Variants in TET1 observed in about 807,000 individuals in gnomAD.
The protein encoded by TET1 is methylcytosine dioxygenase TET1.
Under a neutral mutation model 148.7 loss-of-function variants are expected in TET1, and 13 were observed. The observed-to-expected ratio is 0.09, with a 90% confidence interval of 0.06 to 0.14. TET1 has a LOEUF of 0.14. Among genes scored for constraint, TET1 ranks in the 10% least tolerant of loss-of-function variants. TET1 has a pLI of 1.00. For missense variants in TET1, 2,182 were observed against 2,553.8 expected, an observed-to-expected ratio of 0.85 and a Z score of 3.14; for synonymous variants, 907 against 937.2, an observed-to-expected ratio of 0.97 and a Z score of 0.59.
chr10:68,683,637 C>T (rs1270298592), intron 10 of TET1, among the ~76,000 whole-genome samples: 5 of 152,166 alleles, frequency 3.3e-5, no homozygotes, highest in Non-Finnish European at 7.3e-5. Context: ...TGGTCTTGAT[C>T]TCATGACCTC....
Position 68,622,201 on chromosome 10 carries a change from C to CCTTCCTTCCTTCCTTT in TET1, c.1968+21182_1968+21183insTCTTCCTTCCTTCCTT, listed in dbSNP as rs1564973286. On this transcript the variant is annotated intron_variant, in intron 3 of 11. Coordinates refer to ENST00000373644, the MANE Select transcript of TET1 (RefSeq NM_030625.3). ...TCCTTCCTTCCTTCCTTCCTTCCTT[C>CCTTCCTTCCTTCCTTT]CTTCCTTCCTTCCTTCCTTCCCTCC... Among the ~76,000 whole-genome samples, 64 of 131,394 alleles carry CCTTCCTTCCTTCCTTT rather than the reference C, an allele frequency of 4.9e-4. 1 individual carries two copies. The highest frequency in any genetic ancestry group is 1.8e-3 in the African/African-American group (61 of 34,042). The allele number at this position is 131,394 out of a possible 152,430, so 86.2% of individuals were successfully genotyped here.
chr10:68,624,633 T>TTTCTTTCTTTCTTTCTTTCC (rs2054431993), intron 3 of TET1, among the ~76,000 whole-genome samples: 2 of 43,158 alleles, frequency 4.6e-5, no homozygotes, highest in African/African-American at 2.9e-4. Context: ...TCTTTCTTTC[T>TTTCTTTCTTTCTTTCTTTCC]TTCTTTCTTT....
intron 3 of TET1, among the ~76,000 whole-genome samples, chr10:68,604,608 G>A (rs573254084): frequency 3.2e-4 from 49 of 152,160 alleles, no homozygotes; most frequent in Non-Finnish European, 6.8e-4. Flanking sequence ...GCTTTGATTG[G>A]TTGATCCCAA....
intron 3 of TET1, among the ~76,000 whole-genome samples, chr10:68,629,076 G>A (rs1412803119): frequency 6.6e-6 from 1 of 152,114 alleles, no homozygotes; most frequent in Non-Finnish European, 1.5e-5. Flanking sequence ...TAAAAATTTA[G>A]CATGTATGCC....
chr10:68,658,862 T>C (rs911229526), intron 6 of TET1, among the ~76,000 whole-genome samples: 1 of 152,094 alleles, frequency 6.6e-6, no homozygotes, highest in African/African-American at 2.4e-5. Flanking sequence ...CATGAGACCC[T>C]GTCTCAAGAA....
At chr10:68,599,226 A>G (rs1177824237) in intron 2 of TET1, among the ~76,000 whole-genome samples, 1 of 152,160 alleles carries the variant, frequency 6.6e-6, no homozygotes, top group Non-Finnish European at 1.5e-5. Context: ...GCAAGTGGAA[A>G]ACCCATCTTT....
intron 8 of TET1, chr10:68,674,818 G>A: frequency 2.1e-6 from 1 of 478,400 alleles, no homozygotes; most frequent in African/African-American, 2.0e-5. Context: ...GGAACAAGTT[G>A]ATGGAAATCA....
chr10:68,645,947 T>C lies in TET1; in HGVS notation c.3218T>C (p.Ile1073Thr). The stretch of plus-strand genomic sequence containing the variant: ...TGTCAGGATGCAACCCATACCCAAA[T>C]TGAGGAAGATGTTGCAACACAGTTG... ...LSCQDATHTQ[I>T]EEDVATQLTQ... The change falls in exon 4 of 12, where the codon ATT (isoleucine) becomes ACT (threonine). Residue 1073 changes from isoleucine (I) to threonine (T), a missense_variant. Ile to Thr is a moderately conservative substitution (Grantham distance 89, BLOSUM62 -1). This residue lies in a region of TET1 where 582 missense variants were observed against 599.5 expected (regional missense o/e 0.97). Coordinates refer to ENST00000373644, the MANE Select transcript of TET1 (RefSeq NM_030625.3). 3 of 1,613,908 alleles carry C rather than the reference T, an allele frequency of 1.9e-6. No homozygotes were observed. Among genetic ancestry groups the C allele is most frequent in the South Asian group, 1.1e-5 (1 of 91,058 alleles).
intron 8 of TET1, chr10:68,675,165 CTGTT>C: frequency 6.1e-6 from 2 of 326,482 alleles, no homozygotes; most frequent in South Asian, 6.2e-5. Flanking sequence ...AAAAAAGTGT[CTGTT>C]AGTTGATAAA....
chr10:68,626,716 A>AT (rs938574973), intron 3 of TET1, among the ~76,000 whole-genome samples: 2 of 148,996 alleles, frequency 1.3e-5, no homozygotes, highest in Non-Finnish European at 3.0e-5. Context: ...ACACCCAGCA[A>AT]TTTTTTTATA....
chr10:68,608,218 G>A (rs933174970), intron 3 of TET1, among the ~76,000 whole-genome samples: 2 of 151,360 alleles, frequency 1.3e-5, no homozygotes, highest in Non-Finnish European at 1.5e-5. Flanking sequence ...ATGAGCCACC[G>A]TGCCCAGCCG....
chr10:68,652,419 A>G, intron 5 of TET1, 82 bp from the exon 6 acceptor site: 1 of 889,890 alleles, frequency 1.1e-6, no homozygotes, highest in Non-Finnish European at 1.7e-6. Flanking sequence ...TATCTTATAT[A>G]CATTAAGATG....
chr10:68,586,485 G>GTTTTTTTTTTTTTTTTTTT (rs11437924), intron 2 of TET1, among the ~76,000 whole-genome samples: 1 of 133,500 alleles, frequency 7.5e-6, no homozygotes, highest in Non-Finnish European at 1.6e-5. Context: ...GCCAGCTAAC[G>GTTTTTTTTTTTTTTTTTTT]TTTTTTTTTT....
At chr10:68,678,077 A>C (rs927270320) in intron 8 of TET1, among the ~76,000 whole-genome samples, 6 of 152,202 alleles carry the variant, frequency 3.9e-5, no homozygotes, top group Admixed American at 6.5e-5. Flanking sequence ...AAAGAGTTTT[A>C]AGGAGGAGAG....
chr10:68,601,190 T>C (rs932723187), intron 3 of TET1, among the ~76,000 whole-genome samples, 156 bp downstream of exon 3: 2 of 152,174 alleles, frequency 1.3e-5, no homozygotes, highest in East Asian at 1.9e-4. Flanking sequence ...TTCTCTCTCT[T>C]TTTTTTGATG....
rs901409817 is a variant in TET1, at chr10:68,694,431, T to G, written c.*2617T>G. 8.6e-6 allele frequency: 2 copies of G among 232,228 alleles called. No homozygotes were observed. The highest frequency in any genetic ancestry group is 1.7e-5 in the Non-Finnish European group (2 of 117,526). The allele number at this position is 232,228 out of a possible 1,614,324, so 14.4% of individuals were successfully genotyped here. A position where few individuals can be genotyped will look rare whatever the true frequency, so the allele number is the denominator to read the frequency against. ...GCTGGCTACACTGCTTTTAGAATGC[T>G]CTTTCTCATGAAGCAAGGAAATAAA... is the stretch of plus-strand genomic sequence containing the variant. On this transcript the variant is annotated 3_prime_UTR_variant, in exon 12 of 12. Transcript: ENST00000373644.
chr10:68,625,326 C>G (rs2054462021), intron 3 of TET1, among the ~76,000 whole-genome samples: 3 of 152,114 alleles, frequency 2.0e-5, no homozygotes, highest in Admixed American at 2.0e-4. Flanking sequence ...TGCCAAGAAG[C>G]CTTGTAGAAA....
intron 1 of TET1, among the ~76,000 whole-genome samples, chr10:68,565,607 T>C (rs1442841756): frequency 6.6e-6 from 1 of 151,964 alleles, no homozygotes; most frequent in East Asian, 1.9e-4. Flanking sequence ...AATTAATTTC[T>C]GGAGGTCTTT....
Position 68,663,336 on chromosome 10 carries a change from T to C in TET1, c.4462-3709T>C, listed in dbSNP as rs143389619. ...ATAACCTTCTCTGCATTTTTTATAG[T>C]TTTATTCTTAGGTTTTTTGCATCTT... is the stretch of plus-strand genomic sequence containing the variant. On this transcript the variant is annotated intron_variant, in intron 6 of 11. Coordinates refer to ENST00000373644, the MANE Select transcript of TET1 (RefSeq NM_030625.3). 2.6e-4 allele frequency among the ~76,000 whole-genome samples: 40 copies of C among 152,300 alleles called. No individual in the cohort carries two copies. The East Asian group carries it at 5.2e-3, about 20-fold the overall frequency.
Sources: allele counts gnomAD v4.1 joint callset (sites outside exome capture counted in the v4.1 genomes callset), GRCh38; gene constraint gnomAD v4.1.1; regional missense constraint gnomAD v4.1.1; transcripts MANE v1.5; gene names NCBI Gene and HGNC (gene_info 2026-07-23, HGNC 2026-07-21).